RPE65: variants seen among roughly 807,000 people sequenced by gnomAD.
RPE65 encodes the protein retinoid isomerohydrolase RPE65.
A neutral mutation model predicts 68.5 loss-of-function variants in RPE65; 58 were observed. The observed-to-expected ratio is 0.85, with a 90% confidence interval of 0.69 to 1.05. The LOEUF (loss-of-function observed/expected upper bound fraction) is 1.05. RPE65 is among the 50% of genes least tolerant of loss of function. The pLI is 0.00. For missense variants in RPE65, 643 were observed against 629.9 expected, an observed-to-expected ratio of 1.02 and a Z score of -0.22; for synonymous variants, 220 against 222.2, an observed-to-expected ratio of 0.99 and a Z score of 0.09.
At position 68,440,974 on chromosome 1, in the gene RPE65, G is replaced by C. The variant is rs773042449; in HGVS notation, c.522C>G (p.Val174=). ...TGTGGGGGTGAGCAGTGGCCCCATT[G>C]ACAGAGACATAGTTGCAAAGATCAA... ...KQVDLCNYVS[V]NGATAHPHIE... is the part of the protein sequence containing the mutation. The change falls in exon 6 of 14, where the codon GTC becomes GTG. Residue 174 remains valine (V), a synonymous_variant. Coordinates refer to ENST00000262340, the MANE Select transcript of RPE65 (RefSeq NM_000329.3). 6.2e-7 allele frequency: 1 copy of C among 1,613,930 alleles called. No individual in the cohort carries two copies. The highest frequency in any genetic ancestry group is 2.2e-5 in the East Asian group (1 of 44,870).
intron 10 of RPE65, among the ~76,000 whole-genome samples, chr1:68,434,113 T>TACAC (rs1435034161): frequency 3.9e-4 from 56 of 143,354 alleles, no homozygotes; most frequent in African/African-American, 1.1e-3. Context: ...TATATATATA[T>TACAC]ATACACACAC....
At chr1:68,431,615 G>A (rs538106846) in intron 10 of RPE65, 30 bp from the exon 11 acceptor site, 7 of 1,571,260 alleles carry the variant, frequency 4.5e-6, no homozygotes, top group African/African-American at 4.0e-5. Context: ...AAACCTCAGT[G>A]AGCAGGAAAG....
intron 10 of RPE65, among the ~76,000 whole-genome samples, chr1:68,433,974 GTGGAA>G (rs1645843435): frequency 6.6e-6 from 1 of 151,980 alleles, no homozygotes; most frequent in Admixed American, 6.6e-5. Context: ...GAAGTTCCTG[GTGGAA>G]ATTGCAGTAG....
At chr1:68,431,699 G>A in intron 10 of RPE65, 114 bp from the exon 11 acceptor site, 2 of 832,010 alleles carry the variant, frequency 2.4e-6, no homozygotes, top group African/African-American at 1.7e-5. Flanking sequence ...CATGCAGGGA[G>A]GAACTGCAGG....
At chr1:68,431,737 C>A in intron 10 of RPE65, 152 bp from the exon 11 acceptor site, 1 of 704,738 alleles carries the variant, frequency 1.4e-6, no homozygotes, top group Non-Finnish European at 2.5e-6. Context: ...CCCTGGGACG[C>A]GACTGGGCAA....
chr1:68,429,979 A>G, intron 13 of RPE65, 52 bp from the exon 14 acceptor site: 1 of 1,601,496 alleles, frequency 6.2e-7, no homozygotes, highest in African/African-American at 1.3e-5. Context: ...AGCCCAAGCT[A>G]TAGATTGAAT....
Position 68,431,339 on chromosome 1 carries a change from A to G in RPE65, c.1281T>C (p.Cys427=), listed in dbSNP as rs376723106. 1 of 1,614,014 alleles carries G rather than the reference A, an allele frequency of 6.2e-7. No homozygotes were observed. The highest frequency in any genetic ancestry group is 1.7e-5 in the Admixed American group (1 of 59,988). The part of the protein sequence containing the change: ...EFPQINYQKY[C]GKPYTYAYGL... ...CATACGCATATGTGTAAGGTTTCCC[A>G]CAATACTTCTGGTAATTGATTTGAG... is the stretch of plus-strand genomic sequence containing the variant. The change falls in exon 12 of 14, where the codon TGT becomes TGC. Residue 427 remains cysteine, a synonymous_variant. Transcript: ENST00000262340.
intron 5 of RPE65, among the ~76,000 whole-genome samples, chr1:68,443,982 C>T (rs1645922455): frequency 6.6e-6 from 1 of 152,090 alleles, no homozygotes; most frequent in Non-Finnish European, 1.5e-5. Flanking sequence ...AACATACTTG[C>T]CTAGAACCAT....
chr1:68,435,373 T>G (rs753190321), intron 10 of RPE65, among the ~76,000 whole-genome samples: 1 of 151,622 alleles, frequency 6.6e-6, no homozygotes, highest in Admixed American at 6.6e-5. Context: ...AAAATATGAT[T>G]TCCCCCCCTG....
intron 5 of RPE65, among the ~76,000 whole-genome samples, chr1:68,442,989 T>C (rs1449105109): frequency 6.6e-6 from 1 of 152,236 alleles, no homozygotes; most frequent in East Asian, 1.9e-4. Flanking sequence ...TTCTGGCTTT[T>C]AGTTTCACCT....
intron 1 of RPE65, 117 bp downstream of exon 1, chr1:68,449,777 TC>T: frequency 8.0e-7 from 1 of 1,244,312 alleles, no homozygotes; most frequent in Non-Finnish European, 1.2e-6. Flanking sequence ...CCACCAAAAT[TC>T]AAGGGTCTTT....
chr1:68,431,645 G>A lies in RPE65; in HGVS notation c.1129-60C>T. 4 of 1,415,482 alleles carry A rather than the reference G, an allele frequency of 2.8e-6. No individual in the cohort carries two copies. In the South Asian group the frequency reaches 4.7e-5, roughly 17 times the overall value. 87.7% of individuals were successfully genotyped at this position (1,415,482 alleles called of 1,614,324 possible). On this transcript the variant is annotated intron_variant, in intron 10 of 13. Coordinates refer to ENST00000262340, the MANE Select transcript of RPE65 (RefSeq NM_000329.3). ...GGAAAGAATTCAAACAGCCAGAAAT[G>A]CAGAGTTCTTAAGTCTTGGCTCCTA...
chr1:68,433,972 T>C (rs550188846), intron 10 of RPE65, among the ~76,000 whole-genome samples: 22 of 152,026 alleles, frequency 1.4e-4, no homozygotes, highest in Admixed American at 1.1e-3. Flanking sequence ...TGGAAGTTCC[T>C]GGTGGAAATT....
chr1:68,439,577 G>A lies in RPE65; in HGVS notation c.709C>T (p.Pro237Ser), dbSNP rs1645885882. The change falls in exon 7 of 14, where the codon CCA becomes TCA. Residue 237 changes from proline (P) to serine (S), a missense_variant. Transcript: ENST00000262340. ...VQFPCSDRFK[P>S]SYVHSFGLTP... ...TCAAGTTACCTATGAACGTAAGATG[G>A]CTTGAATCGGTCACTGCAGGGGAAT... The A allele has an allele frequency of 3.7e-6, 6 of 1,613,876 alleles. No homozygotes were observed. Among genetic ancestry groups the A allele is most frequent in the East Asian group, 4.5e-5 (2 of 44,874 alleles).
At position 68,440,841 on chromosome 1, in the gene RPE65, T is replaced by C; in HGVS notation, c.643+12A>G. The C allele has an allele frequency of 6.2e-7, 1 of 1,613,898 alleles. No individual in the cohort carries two copies. Among genetic ancestry groups the C allele is most frequent in the Non-Finnish European group, 8.5e-7 (1 of 1,179,786 alleles). ...CACTTATTTTCAGAAGAGGACAGAT[T>C]GGTAAACTCACCTGCTTGCAGTGGT... is the stretch of plus-strand genomic sequence containing the variant. On this transcript the variant is annotated intron_variant, in intron 6 of 13. Transcript: ENST00000262340.
Position 68,438,264 on chromosome 1 carries a change from C to T in RPE65, c.1051G>A (p.Glu351Lys), listed in dbSNP as rs1645875068. The change falls in exon 10 of 14, where the codon GAA becomes AAA. Residue 351 changes from glutamate to lysine, a missense_variant. Transcript: ENST00000262340. Reference sequence around the variant, plus strand: ...TTTCTGGCATTTTTTTTCACCTCTTCCCAGTTCTCACGTAAATTGGCTAAA... The same window carrying T: ...TTTCTGGCATTTTTTTTCACCTCTTTCCAGTTCTCACGTAAATTGGCTAAA... ...LYLANLRENW[E>K]EVKKNARKAP... 6.2e-7 allele frequency: 1 copy of T among 1,613,616 alleles called. No homozygotes were observed. The highest frequency in any genetic ancestry group is 1.3e-5 in the African/African-American group (1 of 74,874).
chr1:68,448,877 A>AG (rs1370861219), intron 1 of RPE65, among the ~76,000 whole-genome samples, 171 bp from the exon 2 acceptor site: 7 of 18,148 alleles, frequency 3.9e-4, no homozygotes, highest in African/African-American at 1.2e-3. Context: ...AGCGAAGGTG[A>AG]GGGCGGGAGG....
At position 68,430,924 on chromosome 1, in the gene RPE65, A is replaced by T. The variant is rs575205092; in HGVS notation, c.1450+141T>A. 7 of 694,232 alleles carry T rather than the reference A, an allele frequency of 1.0e-5. No individual in the cohort carries two copies. The Admixed American group carries it at 1.8e-4, about 18-fold the overall frequency. The allele number at this position is 694,232 out of a possible 1,614,324, so 43.0% of individuals were successfully genotyped here. A position where few individuals can be genotyped will look rare whatever the true frequency, so the allele number is the denominator to read the frequency against. On this transcript the variant is annotated intron_variant, in intron 13 of 13. Transcript: ENST00000262340. ...TGAAAATTCTTTTCAAATAGTTTTA[A>T]TTCTTCAGTACTGCTCTATTTATAG...
At chr1:68,446,911 G>A (rs1385336553) in intron 2 of RPE65, 51 bp from the exon 3 acceptor site, 1 of 1,611,782 alleles carries the variant, frequency 6.2e-7, no homozygotes, top group East Asian at 2.2e-5. Flanking sequence ...CCTTGGGCTA[G>A]GCTTGTCCTT....
Sources: allele counts gnomAD v4.1 joint callset (sites outside exome capture counted in the v4.1 genomes callset), GRCh38; gene constraint gnomAD v4.1.1; transcripts MANE v1.5; gene names NCBI Gene and HGNC (gene_info 2026-07-23, HGNC 2026-07-21).